The following GFOD1 variants were observed in gnomAD, a reference collection of about 807,000 sequenced individuals.
GFOD1 encodes Gfo/Idh/MocA-like oxidoreductase domain containing 1.
In GFOD1, 9 loss-of-function variants were observed where a neutral mutation model predicts 25.4. The observed-to-expected ratio is 0.35, with a 90% CI of 0.21 to 0.62. The LOEUF (loss-of-function observed/expected upper bound fraction) is 0.62, where lower values mean the gene tolerates loss of function less well. GFOD1 is among the 20% of genes least tolerant of loss of function. The probability of loss-of-function intolerance (pLI) is 0.72; values close to 1 mark genes in which losing one functional copy is unlikely to be tolerated. For synonymous variants in GFOD1, 253 were observed against 245.6 expected (o/e 1.03, Z -0.28); for missense variants, 403 against 556.9 (o/e 0.72, Z 2.78).
At position 13,461,131 on chromosome 6, in the gene GFOD1, T is replaced by C. The variant is rs6900571; in HGVS notation, c.253+25507A>G. ...TGTCTATTGGCATGGGTTATGAGTGTGTGTACTGTCTACTTTTAACCTTCC... is the reference window on the plus strand; with the variant it reads ...TGTCTATTGGCATGGGTTATGAGTGCGTGTACTGTCTACTTTTAACCTTCC... On this transcript the variant is annotated intron_variant, in intron 1 of 1. Transcript: ENST00000379287. Among the ~76,000 whole-genome samples the C allele has an allele frequency of 9.7e-3, 1,478 of 152,348 alleles. 16 individuals carry two copies. The highest frequency in any genetic ancestry group is 0.034 in the African/African-American group (1,403 of 41,568).
chr6:13,397,074 C>A lies in GFOD1; in HGVS notation c.254-31412G>T, dbSNP rs139133132. Among the ~76,000 whole-genome samples the A allele has an allele frequency of 1.0e-2, 1,515 of 152,238 alleles. 13 individuals are homozygous for A. Among genetic ancestry groups the A allele is most frequent in the Non-Finnish European group, 0.017 (1,146 of 68,010 alleles). On this transcript the variant is annotated intron_variant, in intron 1 of 1. Coordinates refer to ENST00000379287, the MANE Select transcript of GFOD1 (RefSeq NM_018988.4). ...CCACAGAGAGGCCAGATGTTGGAAA[C>A]AGTGCTCAGAGAAGGGACAAGAGCA...
intron 1 of GFOD1, among the ~76,000 whole-genome samples, chr6:13,477,216 G>GGTGTGTGT (rs60649261): frequency 4.2e-4 from 59 of 140,882 alleles, no homozygotes; most frequent in African/African-American, 1.3e-3. Context: ...ACCAATAGGG[G>GGTGTGTGT]GTGTGTGTGT....
chr6:13,484,738 C>T (rs1758826907), intron 1 of GFOD1, among the ~76,000 whole-genome samples: 1 of 152,166 alleles, frequency 6.6e-6, no homozygotes, highest in Non-Finnish European at 1.5e-5. Context: ...CTTTCATGGC[C>T]ATGGTCCCAG....
intron 1 of GFOD1, among the ~76,000 whole-genome samples, chr6:13,410,091 G>A (rs998658506): frequency 1.3e-5 from 2 of 148,450 alleles, no homozygotes; most frequent in Non-Finnish European, 3.0e-5. Context: ...GGTAACATAG[G>A]GAAATAAAGC....
intron 1 of GFOD1, among the ~76,000 whole-genome samples, chr6:13,388,456 C>T (rs979572469): frequency 1.3e-5 from 2 of 152,180 alleles, no homozygotes; most frequent in African/African-American, 4.8e-5. Flanking sequence ...AGAAATAACA[C>T]CACACATCTA....
chr6:13,470,732 AG>A, intron 1 of GFOD1: 1 of 1,422,542 alleles, frequency 7.0e-7, no homozygotes, highest in Middle Eastern at 1.9e-4. Context: ...AGAGCCTGCC[AG>A]GGACACATTT....
At position 13,443,816 on chromosome 6, in the gene GFOD1, T is replaced by TAAAAAA. The variant is rs34976657; in HGVS notation, c.253+42816_253+42821dup. Reference sequence around the variant, plus strand: ...GGGCGACAAGAGCAAGACTCAGTCTTAAAAAAAAAAAAAAAAAAAAAATCA... The same window carrying TAAAAAA: ...GGGCGACAAGAGCAAGACTCAGTCTTAAAAAAAAAAAAAAAAAAAAAAAAAAAATCA... On this transcript the variant is annotated intron_variant, in intron 1 of 1. Transcript: ENST00000379287. Among the ~76,000 whole-genome samples the TAAAAAA allele has an allele frequency of 8.4e-3, 936 of 112,036 alleles. 22 individuals carry two copies. Among genetic ancestry groups the TAAAAAA allele is most frequent in the African/African-American group, 0.029 (768 of 26,866 alleles). The allele number at this position is 112,036 out of a possible 152,430, so 73.5% of individuals were successfully genotyped here.
chr6:13,480,017 T>C (rs1398093591), intron 1 of GFOD1, among the ~76,000 whole-genome samples: 2 of 152,222 alleles, frequency 1.3e-5, no homozygotes, highest in African/African-American at 2.4e-5. Flanking sequence ...GGCGTGGCAA[T>C]GCTGGCCAGC....
chr6:13,386,059 C>A (rs1366920284), intron 1 of GFOD1, among the ~76,000 whole-genome samples: 4 of 102,848 alleles, frequency 3.9e-5, no homozygotes, highest in African/African-American at 3.1e-5. Flanking sequence ...TTGGGTAATT[C>A]CTTTTTTTTT....
At position 13,391,790 on chromosome 6, in the gene GFOD1, G is replaced by A. The variant is rs558874357; in HGVS notation, c.254-26128C>T. Among the ~76,000 whole-genome samples the A allele has an allele frequency of 3.9e-5, 6 of 152,246 alleles. No individual in the cohort carries two copies. The East Asian group carries it at 5.8e-4, about 15-fold the overall frequency. On this transcript the variant is annotated intron_variant, in intron 1 of 1. Transcript: ENST00000379287. ...TGTTAAATGGGGATATAAGGGTATC[G>A]ACTTCATTGGAGTGGTGAGAACCAT...
At chr6:13,411,992 G>A (rs1362927548) in intron 1 of GFOD1, among the ~76,000 whole-genome samples, 1 of 152,166 alleles carries the variant, frequency 6.6e-6, no homozygotes, top group Non-Finnish European at 1.5e-5. Context: ...GAAACATGAG[G>A]GAAATAAGAA....
chr6:13,433,494 C>T (rs757392000), intron 1 of GFOD1, among the ~76,000 whole-genome samples: 1 of 152,172 alleles, frequency 6.6e-6, no homozygotes, highest in African/African-American at 2.4e-5. Context: ...CTGGCCTCTA[C>T]TCCTAGATGC....
chr6:13,404,322 TG>T (rs1349594873), intron 1 of GFOD1, among the ~76,000 whole-genome samples: 1 of 152,220 alleles, frequency 6.6e-6, no homozygotes, highest in Non-Finnish European at 1.5e-5. Context: ...TTCTTAGAAC[TG>T]AGGGAAACTG....
chr6:13,412,017 C>T (rs1461451042), intron 1 of GFOD1, among the ~76,000 whole-genome samples: 1 of 152,204 alleles, frequency 6.6e-6, no homozygotes, highest in East Asian at 1.9e-4. Context: ...TACTTTAGAG[C>T]TATTGCAGGG....
intron 1 of GFOD1, among the ~76,000 whole-genome samples, chr6:13,429,837 ACATT>A (rs1466095979): frequency 6.6e-6 from 1 of 152,238 alleles, no homozygotes; most frequent in South Asian, 2.1e-4. Flanking sequence ...TGTAATATAT[ACATT>A]ATTATACAAA....
At chr6:13,383,609 A>G (rs1785407801) in intron 1 of GFOD1, among the ~76,000 whole-genome samples, 1 of 152,252 alleles carries the variant, frequency 6.6e-6, no homozygotes, top group Non-Finnish European at 1.5e-5. Context: ...AGGCATACAC[A>G]TCTCATTGTT....
intron 1 of GFOD1, among the ~76,000 whole-genome samples, chr6:13,457,746 T>C (rs1758215540): frequency 6.6e-6 from 1 of 152,252 alleles, no homozygotes; most frequent in South Asian, 2.1e-4. Flanking sequence ...ACACATGTTC[T>C]TTGAAAGTGG....
chr6:13,476,067 ACAACTGAG>A (rs978499732), intron 1 of GFOD1, among the ~76,000 whole-genome samples: 5 of 152,250 alleles, frequency 3.3e-5, no homozygotes, highest in Non-Finnish European at 5.9e-5. Context: ...TACACACTAT[ACAACTGAG>A]CAATTTCAGT....
intron 1 of GFOD1, among the ~76,000 whole-genome samples, chr6:13,384,757 C>T (rs934078488): frequency 2.0e-5 from 3 of 152,134 alleles, no homozygotes; most frequent in African/African-American, 7.2e-5. Context: ...GAGAGTAAAT[C>T]CATTTTTCTG....
Sources: gnomAD v4.1 joint callset for allele counts (sites outside exome capture counted in the v4.1 genomes callset) on GRCh38, gnomAD v4.1.1 for gene constraint, MANE v1.5 for transcripts, NCBI Gene and HGNC (gene_info 2026-07-23, HGNC 2026-07-21) for gene names.